SYT2: variants seen among roughly 807,000 people sequenced by gnomAD.
SYT2 encodes synaptotagmin-2.
A neutral mutation model predicts 39.9 loss-of-function variants in SYT2; 15 were observed. The observed-to-expected ratio is 0.38, with a 90% confidence interval of 0.25 to 0.58. The LOEUF is 0.58. Among genes scored for constraint, SYT2 ranks in the 20% least tolerant of loss-of-function variants. SYT2 has a pLI of 0.70. For missense variants in SYT2, 389 were observed against 530.3 expected, an observed-to-expected ratio of 0.73 and a Z score of 2.62; for synonymous variants, 181 against 204.5, an observed-to-expected ratio of 0.89 and a Z score of 0.98.
intron 1 of SYT2, among the ~76,000 whole-genome samples, chr1:202,644,392 G>A (rs1174668857): frequency 1.3e-5 from 2 of 152,188 alleles, no homozygotes; most frequent in Non-Finnish European, 2.9e-5. Flanking sequence ...ACCAGGAGGG[G>A]CAGGGAGGAC....
At chr1:202,632,402 G>C (rs1423167398) in intron 1 of SYT2, 1 of 252,526 alleles carries the variant, frequency 4.0e-6, no homozygotes. Flanking sequence ...GGGATGGGGA[G>C]CTGGGGATGA....
chr1:202,647,115 A>C (rs1432196091), intron 1 of SYT2, among the ~76,000 whole-genome samples: 3 of 152,102 alleles, frequency 2.0e-5, no homozygotes, highest in Non-Finnish European at 4.4e-5. Flanking sequence ...ACCCTCCTTC[A>C]TGATCTCTAT....
chr1:202,630,021 A>G (rs1166680777), intron 1 of SYT2, among the ~76,000 whole-genome samples: 4 of 152,150 alleles, frequency 2.6e-5, no homozygotes, highest in African/African-American at 9.7e-5. Context: ...TTTGTAGAGA[A>G]AGAAGAAAGC....
chr1:202,709,502 T>C (rs1190403919), intron 1 of SYT2, among the ~76,000 whole-genome samples: 1 of 151,856 alleles, frequency 6.6e-6, no homozygotes, highest in Non-Finnish European at 1.5e-5. Flanking sequence ...GCACCCCAAA[T>C]GGGAAAGGTA....
At chr1:202,681,557 T>C (rs879377388) in intron 1 of SYT2, among the ~76,000 whole-genome samples, 1 of 152,218 alleles carries the variant, frequency 6.6e-6, no homozygotes, top group Admixed American at 6.5e-5. Flanking sequence ...GACCAGAGTG[T>C]ATGATCTTGA....
chr1:202,634,691 T>C (rs774823306), intron 1 of SYT2, among the ~76,000 whole-genome samples: 3 of 152,216 alleles, frequency 2.0e-5, no homozygotes, highest in Non-Finnish European at 4.4e-5. Context: ...TGGAATGTTA[T>C]TTGGCAATAA....
At chr1:202,619,706 G>T (rs1691153462) in intron 1 of SYT2, among the ~76,000 whole-genome samples, 1 of 152,190 alleles carries the variant, frequency 6.6e-6, no homozygotes. Context: ...AATTCAGAAA[G>T]ACTTGCCAGA....
In SYT2 at chr1:202,705,742, G is replaced by A. The variant is rs1351324360; in HGVS notation, c.-18+4516C>T. 5.4e-5 allele frequency among the ~76,000 whole-genome samples: 8 copies of A among 147,122 alleles called. No individual in the cohort carries two copies. In the East Asian group the frequency reaches 8.1e-4, roughly 15 times the overall value. On this transcript the variant is annotated intron_variant, in intron 1 of 8. Transcript: ENST00000367268. ...GAGTCCTTTTTTTTTTTTTGAGACC[G>A]GATCTCACTGTTTTCCAGGCTGAAG...
chr1:202,692,639 A>AT (rs1318029017), intron 1 of SYT2, among the ~76,000 whole-genome samples: 1 of 152,212 alleles, frequency 6.6e-6, no homozygotes, highest in Non-Finnish European at 1.5e-5. Flanking sequence ...CATCCTCCTC[A>AT]TTTTACAGAT....
intron 1 of SYT2, among the ~76,000 whole-genome samples, chr1:202,688,825 T>C (rs1185168002): frequency 1.3e-5 from 2 of 152,130 alleles, no homozygotes; most frequent in Non-Finnish European, 2.9e-5. Context: ...TGGTCTGAGT[T>C]GAGTTTTCAT....
At chr1:202,678,286 A>C (rs549253089) in intron 1 of SYT2, among the ~76,000 whole-genome samples, 2 of 148,394 alleles carry the variant, frequency 1.3e-5, no homozygotes, top group African/African-American at 5.1e-5. Context: ...AAAAAAAAAA[A>C]AAAAAAAAAA....
chr1:202,699,835 C>T lies in SYT2; in HGVS notation c.-18+10423G>A, dbSNP rs1362544782. Among the ~76,000 whole-genome samples, 7 of 152,048 alleles carry T rather than the reference C, an allele frequency of 4.6e-5. No homozygotes were observed. The East Asian group carries it at 1.2e-3, about 25-fold the overall frequency. On this transcript the variant is annotated intron_variant, in intron 1 of 8. Transcript: ENST00000367268. ...GCTGAGAGGCTCCATCCAGCATGGT[C>T]TCGTATGTCGGTTTTCCCTTGATCA...
At chr1:202,640,961 T>C (rs534107699) in intron 1 of SYT2, among the ~76,000 whole-genome samples, 1 of 152,100 alleles carries the variant, frequency 6.6e-6, no homozygotes, top group Non-Finnish European at 1.5e-5. Context: ...ACGCAGCTTG[T>C]ATTATTATTA....
At chr1:202,682,894 A>C (rs938472401) in intron 1 of SYT2, among the ~76,000 whole-genome samples, 1 of 152,218 alleles carries the variant, frequency 6.6e-6, no homozygotes, top group Non-Finnish European at 1.5e-5. Context: ...AATCATGCCC[A>C]CAAATCAATA....
chr1:202,692,117 C>T (rs907639576), intron 1 of SYT2, among the ~76,000 whole-genome samples: 1 of 151,996 alleles, frequency 6.6e-6, no homozygotes, highest in Admixed American at 6.5e-5. Flanking sequence ...AGCTCTCCTA[C>T]TGAAGTGGTG....
intron 1 of SYT2, among the ~76,000 whole-genome samples, chr1:202,662,956 TC>T (rs1478370392): frequency 6.6e-6 from 1 of 152,224 alleles, no homozygotes; most frequent in African/African-American, 2.4e-5. Flanking sequence ...GCTTGTTCTT[TC>T]CCAGAGGAGA....
chr1:202,692,781 T>C (rs978074293), intron 1 of SYT2, among the ~76,000 whole-genome samples: 5 of 152,120 alleles, frequency 3.3e-5, no homozygotes, highest in African/African-American at 1.2e-4. Context: ...AAGTTAGGGC[T>C]GGGGGCAGTG....
Position 202,700,692 on chromosome 1 carries a change from T to C in SYT2, c.-18+9566A>G, listed in dbSNP as rs372872130. On this transcript the variant is annotated intron_variant, in intron 1 of 8. Transcript: ENST00000367268. ...TGTTTCACATCATTGCAAATCTCTT[T>C]AATGTGTGGTTTACTAGAAGGTAGC... 1.2e-4 allele frequency among the ~76,000 whole-genome samples: 19 copies of C among 152,354 alleles called. 1 individual carries two copies. The highest frequency in any genetic ancestry group is 7.8e-4 in the Admixed American group (12 of 15,306).
intron 6 of SYT2, 144 bp from the exon 7 acceptor site, chr1:202,600,618 G>C: frequency 1.4e-6 from 1 of 695,294 alleles, no homozygotes. Flanking sequence ...TGATGGCCGA[G>C]AAGGTCTTCC....
Sources: gnomAD v4.1 joint callset for allele counts (sites outside exome capture counted in the v4.1 genomes callset) on GRCh38, gnomAD v4.1.1 for gene constraint, MANE v1.5 for transcripts, NCBI Gene and HGNC (gene_info 2026-07-23, HGNC 2026-07-21) for gene names.